XYLT1: variants seen among roughly 807,000 people sequenced by gnomAD.
XYLT1 encodes the protein xylosyltransferase 1, also known as beta-D-xylosyltransferase 1.
A neutral mutation model predicts 91.3 loss-of-function variants in XYLT1; 36 were observed. The observed-to-expected ratio is 0.39, with a 90% CI of 0.30 to 0.52. The LOEUF (loss-of-function observed/expected upper bound fraction) is 0.52, where lower values mean the gene tolerates loss of function less well. XYLT1 is among the 20% of genes least tolerant of loss of function. The pLI, the probability that XYLT1 is intolerant of heterozygous loss-of-function variation, is 0.68. For missense variants in XYLT1, 1,242 were observed against 1,284.5 expected (o/e 0.97, Z 0.51); for synonymous variants, 588 against 532.0 (o/e 1.11, Z -1.45).
At chr16:17,410,787 C>T (rs762582553) in intron 1 of XYLT1, among the ~76,000 whole-genome samples, 7 of 151,820 alleles carry the variant, frequency 4.6e-5, no homozygotes, top group African/African-American at 1.5e-4. Flanking sequence ...GGATGGCAGG[C>T]GTATATCAGC....
At chr16:17,348,508 A>T (rs1033358285) in intron 2 of XYLT1, among the ~76,000 whole-genome samples, 1 of 152,142 alleles carries the variant, frequency 6.6e-6, no homozygotes, top group African/African-American at 2.4e-5. Context: ...CCAGGGACTG[A>T]GCCTCTCCAT....
At chr16:17,141,939 C>T (rs995582705) in intron 6 of XYLT1, among the ~76,000 whole-genome samples, 10 of 151,936 alleles carry the variant, frequency 6.6e-5, no homozygotes, top group African/African-American at 1.9e-4. Flanking sequence ...GGTCGTGTTC[C>T]GTTGCCTAGG....
At chr16:17,250,438 G>C (rs906547131) in intron 3 of XYLT1, 26 of 152,346 alleles carry the variant, frequency 1.7e-4, no homozygotes, top group Admixed American at 1.7e-3. Flanking sequence ...ATGGTCATTT[G>C]TTGATGTGTT....
intron 2 of XYLT1, among the ~76,000 whole-genome samples, chr16:17,348,062 G>A (rs1390777907): frequency 6.6e-6 from 1 of 152,072 alleles, no homozygotes; most frequent in Non-Finnish European, 1.5e-5. Context: ...CTTGGCCAAA[G>A]CAAAGAAAAG....
chr16:17,408,993 C>T (rs1172550357), intron 1 of XYLT1, among the ~76,000 whole-genome samples: 2 of 152,124 alleles, frequency 1.3e-5, no homozygotes, highest in African/African-American at 2.4e-5. Flanking sequence ...AAATGAGGCT[C>T]TAGAAACTGG....
chr16:17,375,882 G>A (rs2035594542), intron 1 of XYLT1, among the ~76,000 whole-genome samples: 1 of 152,268 alleles, frequency 6.6e-6, no homozygotes, highest in Admixed American at 6.5e-5. Context: ...AACGGCTGGA[G>A]CCACTGGTGT....
At chr16:17,109,521 G>A (rs1966825251) in intron 11 of XYLT1, among the ~76,000 whole-genome samples, 1 of 152,120 alleles carries the variant, frequency 6.6e-6, no homozygotes, top group Non-Finnish European at 1.5e-5. Flanking sequence ...GTTATTTCAG[G>A]CAGTGATAAG....
intron 5 of XYLT1, among the ~76,000 whole-genome samples, chr16:17,178,795 C>T (rs987212164): frequency 2.0e-5 from 3 of 152,112 alleles, no homozygotes; most frequent in Non-Finnish European, 4.4e-5. Context: ...TGAGGCTGGG[C>T]GTGGTGGCTC....
chr16:17,362,853 T>A (rs2035402487), intron 1 of XYLT1, among the ~76,000 whole-genome samples: 1 of 152,180 alleles, frequency 6.6e-6, no homozygotes, highest in Non-Finnish European at 1.5e-5. Context: ...ACTCACGCCT[T>A]CAGAGCCAGG....
At chr16:17,255,218 C>T (rs558442216) in intron 3 of XYLT1, among the ~76,000 whole-genome samples, 3 of 151,978 alleles carry the variant, frequency 2.0e-5, no homozygotes, top group East Asian at 1.9e-4. Context: ...AGGCTGGTCT[C>T]GAACTCCTGA....
chr16:17,284,507 G>C (rs2141789057), intron 2 of XYLT1, among the ~76,000 whole-genome samples: 1 of 152,334 alleles, frequency 6.6e-6, no homozygotes, highest in Middle Eastern at 3.4e-3. Flanking sequence ...TGGCATTTCA[G>C]ATGGGGTCAG....
intron 2 of XYLT1, among the ~76,000 whole-genome samples, chr16:17,327,493 G>C (rs2034825946): frequency 1.3e-5 from 2 of 149,680 alleles, no homozygotes; most frequent in South Asian, 4.3e-4. Flanking sequence ...CTCTGGAGTA[G>C]CTGGGACTAC....
intron 5 of XYLT1, among the ~76,000 whole-genome samples, chr16:17,163,364 C>T (rs898606248): frequency 1.3e-5 from 2 of 152,106 alleles, no homozygotes; most frequent in African/African-American, 4.8e-5. Context: ...CACCCAGGAG[C>T]CCAGGCTGTA....
At chr16:17,379,499 C>G (rs1008950393) in intron 1 of XYLT1, among the ~76,000 whole-genome samples, 1 of 152,098 alleles carries the variant, frequency 6.6e-6, no homozygotes, top group Non-Finnish European at 1.5e-5. Context: ...ACCTGGCCCC[C>G]GGAGGATGCG....
chr16:17,397,175 G>A (rs1341544675), intron 1 of XYLT1, among the ~76,000 whole-genome samples: 3 of 152,118 alleles, frequency 2.0e-5, no homozygotes, highest in South Asian at 2.1e-4. Flanking sequence ...GGGTGACAAC[G>A]TAAATTTTCC....
intron 1 of XYLT1, among the ~76,000 whole-genome samples, chr16:17,431,804 T>C (rs1032987699): frequency 6.6e-6 from 1 of 152,238 alleles, no homozygotes; most frequent in Admixed American, 6.5e-5. Context: ...GCATTTTTTA[T>C]AAAAGCGAAT....
At chr16:17,143,893 C>T (rs941126047) in intron 6 of XYLT1, among the ~76,000 whole-genome samples, 2 of 149,862 alleles carry the variant, frequency 1.3e-5, no homozygotes, top group African/African-American at 5.1e-5. Flanking sequence ...TCACCACCAT[C>T]GTCATCATCA....
intron 1 of XYLT1, among the ~76,000 whole-genome samples, chr16:17,363,803 C>T (rs1412128603): frequency 6.6e-6 from 1 of 152,178 alleles, no homozygotes; most frequent in African/African-American, 2.4e-5. Context: ...TTCAGCCTCC[C>T]AAAGTGCCGG....
chr16:17,252,235 T>C (rs1176430659), intron 3 of XYLT1, among the ~76,000 whole-genome samples: 1 of 152,206 alleles, frequency 6.6e-6, no homozygotes. Context: ...AACCACGCTA[T>C]AAAGACAGAA....
Sources: gnomAD v4.1 joint callset for allele counts (sites outside exome capture counted in the v4.1 genomes callset) on GRCh38, gnomAD v4.1.1 for gene constraint, MANE v1.5 for transcripts, NCBI Gene and HGNC (gene_info 2026-07-23, HGNC 2026-07-21) for gene names.